The following N4BP2L1 variants were observed in gnomAD, a reference collection of about 807,000 sequenced individuals.
N4BP2L1 encodes NEDD4 binding protein 2 like 1.
N4BP2L1 carries 12 observed loss-of-function variants against 21.2 expected under a neutral mutation model. The observed-to-expected ratio is 0.57, with a 90% CI of 0.36 to 0.92. The LOEUF (loss-of-function observed/expected upper bound fraction) is 0.92, where lower values mean the gene tolerates loss of function less well. Among genes scored for constraint, N4BP2L1 ranks in the 40% least tolerant of loss-of-function variants. The pLI, the probability that N4BP2L1 is intolerant of heterozygous loss-of-function variation, is 0.01. For synonymous variants in N4BP2L1, 104 were observed against 112.8 expected, an observed-to-expected ratio of 0.92 and a Z score of 0.49; for missense variants, 259 against 310.6, an observed-to-expected ratio of 0.83 and a Z score of 1.25.
intron 1 of N4BP2L1, among the ~76,000 whole-genome samples, chr13:32,409,949 C>T (rs2073755401): frequency 6.6e-6 from 1 of 152,158 alleles, no homozygotes; most frequent in Non-Finnish European, 1.5e-5. Flanking sequence ...TGAACGTGTC[C>T]AGAGAAGAGT....
intron 1 of N4BP2L1, among the ~76,000 whole-genome samples, chr13:32,409,031 A>ATACT (rs2073695485): frequency 6.6e-6 from 1 of 152,238 alleles, no homozygotes; most frequent in African/African-American, 2.4e-5. Context: ...TTTTGTACCC[A>ATACT]GTAAGGCACT....
At chr13:32,403,392 C>T (rs528559478) in intron 4 of N4BP2L1, among the ~76,000 whole-genome samples, 192 bp from the exon 5 acceptor site, 40 of 152,212 alleles carry the variant, frequency 2.6e-4, no homozygotes, top group Non-Finnish European at 4.9e-4. Context: ...GCCCTGCACA[C>T]CCCCAAACCA....
intron 1 of N4BP2L1, among the ~76,000 whole-genome samples, chr13:32,414,615 A>G (rs2074029163): frequency 6.6e-6 from 1 of 152,212 alleles, no homozygotes; most frequent in Admixed American, 6.5e-5. Flanking sequence ...ATGGTTGGCT[A>G]AGATTGGTTG....
chr13:32,423,771 G>A (rs912728415), intron 1 of N4BP2L1, among the ~76,000 whole-genome samples: 10 of 152,218 alleles, frequency 6.6e-5, no homozygotes, highest in African/African-American at 2.4e-4. Flanking sequence ...GTTACCCGGG[G>A]TCGGGGGAGT....
Position 32,402,109 on chromosome 13 carries a change from CAT to C in N4BP2L1, c.*831_*832del, listed in dbSNP as rs1217043773. ...ACATTTGAGCTGCCGACTAATTACA[CAT>C]GTTAATAGGCATAATTTTAGAAGTC... On this transcript the variant is annotated 3_prime_UTR_variant, in exon 5 of 5. Coordinates refer to ENST00000380130, the MANE Select transcript of N4BP2L1 (RefSeq NM_052818.3). The C allele has an allele frequency of 2.2e-5, 22 of 984,884 alleles. No homozygotes were observed. Among genetic ancestry groups the C allele is most frequent in the Admixed American group, 1.8e-4 (3 of 16,254 alleles). The allele number at this position is 984,884 out of a possible 1,614,324, so 61.0% of individuals were successfully genotyped here. A position where few individuals can be genotyped will look rare whatever the true frequency, so the allele number is the denominator to read the frequency against.
At chr13:32,413,099 T>G (rs1341223176) in intron 1 of N4BP2L1, among the ~76,000 whole-genome samples, 2 of 152,078 alleles carry the variant, frequency 1.3e-5, no homozygotes, top group African/African-American at 4.8e-5. Context: ...AATTTTTTTG[T>G]ATTTTTAGTA....
At chr13:32,415,602 A>G (rs1167247297) in intron 1 of N4BP2L1, among the ~76,000 whole-genome samples, 1 of 152,142 alleles carries the variant, frequency 6.6e-6, no homozygotes, top group African/African-American at 2.4e-5. Flanking sequence ...ATTCTTTTAT[A>G]TATCATTTAA....
intron 1 of N4BP2L1, chr13:32,419,461 G>A (rs757421834): frequency 6.9e-5 from 19 of 277,260 alleles, no homozygotes; most frequent in East Asian, 5.4e-4. Flanking sequence ...TTTTACAGAC[G>A]GGGTTTCACT....
At chr13:32,404,966 C>A (rs1593226437) in intron 3 of N4BP2L1, among the ~76,000 whole-genome samples, 1 of 152,248 alleles carries the variant, frequency 6.6e-6, no homozygotes, top group South Asian at 2.1e-4. Flanking sequence ...TTATAAACAT[C>A]CAAATATTCT....
chr13:32,416,890 C>T (rs1361449927), intron 1 of N4BP2L1, among the ~76,000 whole-genome samples: 2 of 152,078 alleles, frequency 1.3e-5, no homozygotes. Context: ...GATCTCGGCT[C>T]ACTGCAATCT....
intron 1 of N4BP2L1, among the ~76,000 whole-genome samples, chr13:32,419,239 C>CT (rs34280009): frequency 0.025 from 1,505 of 61,190 alleles, 32 homozygotes; most frequent in East Asian, 0.031. Flanking sequence ...CAAGATCTGG[C>CT]TTTTTTTTTT....
At chr13:32,414,917 GT>G (rs2074045743) in intron 1 of N4BP2L1, among the ~76,000 whole-genome samples, 1 of 152,072 alleles carries the variant, frequency 6.6e-6, no homozygotes, top group Admixed American at 6.6e-5. Flanking sequence ...TGTTGTCTTC[GT>G]ATGAAAGACA....
chr13:32,424,475 T>C (rs2074655391), intron 1 of N4BP2L1, among the ~76,000 whole-genome samples: 1 of 152,252 alleles, frequency 6.6e-6, no homozygotes, highest in Admixed American at 6.5e-5. Context: ...TGATTATGTC[T>C]TTCCATTGGT....
At chr13:32,427,723 CGGCTCG>C (rs2074868439) in intron 1 of N4BP2L1, among the ~76,000 whole-genome samples, 175 bp downstream of exon 1, 1 of 151,820 alleles carries the variant, frequency 6.6e-6, no homozygotes, top group Non-Finnish European at 1.5e-5. Context: ...TCGAGGGAGG[CGGCTCG>C]GGCTCCCCGC....
In N4BP2L1 at chr13:32,413,538, G is replaced by A. The variant is rs569342575; in HGVS notation, c.180-5766C>T. ...CCATGCTAAATTCAATGCTAAGTTC[G>A]ATCACTTGGCTAAAGGGTGGTGTTA... On this transcript the variant is annotated intron_variant, in intron 1 of 4. Coordinates refer to ENST00000380130, the MANE Select transcript of N4BP2L1 (RefSeq NM_052818.3). Among the ~76,000 whole-genome samples the A allele has an allele frequency of 3.3e-5, 5 of 152,220 alleles. No homozygotes were observed. In the South Asian group the frequency reaches 1.0e-3, roughly 32 times the overall value.
At position 32,402,878 on chromosome 13, in the gene N4BP2L1, AAAAT is replaced by A; in HGVS notation, c.*60_*63del. The A allele has an allele frequency of 6.6e-7, 1 of 1,508,582 alleles. No individual in the cohort carries two copies. The highest frequency in any genetic ancestry group is 8.9e-7 in the Non-Finnish European group (1 of 1,128,460). 93.4% of individuals were successfully genotyped at this position (1,508,582 alleles called of 1,614,324 possible). A position where few individuals can be genotyped will look rare whatever the true frequency, so the allele number is the denominator to read the frequency against. On this transcript the variant is annotated 3_prime_UTR_variant, in exon 5 of 5. Coordinates refer to ENST00000380130, the MANE Select transcript of N4BP2L1 (RefSeq NM_052818.3). ...TGGAGCTCTGACTAAAATGCAACAA[AAAAT>A]AACAAAAACTGAAGTAGAAACTGAC... is the stretch of plus-strand genomic sequence containing the variant.
chr13:32,404,260 G>T, intron 4 of N4BP2L1, 61 bp downstream of exon 4: 1 of 1,580,296 alleles, frequency 6.3e-7, no homozygotes, highest in Non-Finnish European at 8.7e-7. Context: ...TCTTTTGTTC[G>T]GTCTGAAATA....
Position 32,407,761 on chromosome 13 carries a change from T to C in N4BP2L1, c.191A>G (p.His64Arg). ...GKTTLARQLQ[H>R]DFPRALIFST... ...GAAAATCAGGGCCCTGGGAAAGTCA[T>C]GCTGCAATTGTCTGGAAAGTGGAGA... Residue 64 changes from histidine to arginine, a missense_variant, in exon 2 of 5, where the codon CAT becomes CGT. Physicochemically the swap from His to Arg is conservative, Grantham distance 29. Coordinates refer to ENST00000380130, the MANE Select transcript of N4BP2L1 (RefSeq NM_052818.3). 1 of 1,592,814 alleles carries C rather than the reference T, an allele frequency of 6.3e-7. No individual in the cohort carries two copies. The highest frequency in any genetic ancestry group is 8.5e-7 in the Non-Finnish European group (1 of 1,171,482).
Position 32,402,495 on chromosome 13 carries a change from A to G in N4BP2L1, c.*447T>C, listed in dbSNP as rs934829440. On this transcript the variant is annotated 3_prime_UTR_variant, in exon 5 of 5. Transcript: ENST00000380130. Reference sequence around the variant, plus strand: ...TAGATACATAGATTATCAAAGTAGCAATGGCACTTTGATAAGTAGCAATGC... The same window carrying G: ...TAGATACATAGATTATCAAAGTAGCGATGGCACTTTGATAAGTAGCAATGC... 2.3e-5 allele frequency: 16 copies of G among 707,916 alleles called. No homozygotes were observed. In the East Asian group the frequency reaches 2.5e-3, roughly 111 times the overall value. The allele number at this position is 707,916 out of a possible 1,614,324, so 43.9% of individuals were successfully genotyped here.
Sources: allele counts gnomAD v4.1 joint callset (sites outside exome capture counted in the v4.1 genomes callset), GRCh38; gene constraint gnomAD v4.1.1; transcripts MANE v1.5; gene names NCBI Gene and HGNC (gene_info 2026-07-23, HGNC 2026-07-21).